SOBP: variants seen among roughly 807,000 people sequenced by gnomAD.
SOBP encodes sine oculis binding protein homolog, also known as sine oculis-binding protein homolog.
Under a neutral mutation model 53.6 loss-of-function variants are expected in SOBP, and 4 were observed. The ratio of observed to expected loss-of-function variants is 0.07; its 90% CI spans 0.04 to 0.17. The LOEUF (loss-of-function observed/expected upper bound fraction) is 0.17, where lower values mean the gene tolerates loss of function less well. SOBP is among the 10% of genes least tolerant of loss of function. The pLI, the probability that SOBP is intolerant of heterozygous loss-of-function variation, is 1.00. For missense variants in SOBP, 1,088 were observed against 1,204.7 expected (o/e 0.90, Z 1.43); for synonymous variants, 584 against 522.6 (o/e 1.12, Z -1.60).
At chr6:107,643,841 T>G (rs1771438829) in intron 6 of SOBP, among the ~76,000 whole-genome samples, 1 of 152,254 alleles carries the variant, frequency 6.6e-6, no homozygotes, top group Non-Finnish European at 1.5e-5. Context: ...TGCATTCACA[T>G]TCTTCTTGCT....
At chr6:107,638,755 C>G (rs73518962) in intron 6 of SOBP, among the ~76,000 whole-genome samples, 1 of 152,110 alleles carries the variant, frequency 6.6e-6, no homozygotes, top group East Asian at 1.9e-4. Flanking sequence ...TCTCCGTGTG[C>G]TTGTTGGTGA....
chr6:107,515,963 C>G (rs371512053), intron 3 of SOBP, among the ~76,000 whole-genome samples: 3 of 151,854 alleles, frequency 2.0e-5, no homozygotes, highest in South Asian at 2.1e-4. Context: ...AAAGTAAAAC[C>G]ATTAACAGAA....
chr6:107,619,280 T>C (rs1038127889), intron 5 of SOBP, among the ~76,000 whole-genome samples: 3 of 152,270 alleles, frequency 2.0e-5, no homozygotes, highest in African/African-American at 7.2e-5. Context: ...ATCCAAGTGA[T>C]TAAGGTAGCA....
chr6:107,575,275 G>A (rs1047222219), intron 4 of SOBP, among the ~76,000 whole-genome samples: 1 of 152,160 alleles, frequency 6.6e-6, no homozygotes, highest in Admixed American at 6.5e-5. Context: ...TTAGCACAGG[G>A]TCTGGCACAG....
Position 107,633,630 on chromosome 6 carries a change from T to G in SOBP, c.786T>G (p.Ile262Met). ...GTCTCAATCAATACAAAATGGACAT[T>G]TTCTACAAAGAGACCCAGGCCAATC... ...AKCLNQYKMD[I>M]FYKETQANLP... Residue 262 changes from isoleucine (I) to methionine (M), a missense_variant, in exon 6 of 7, where the codon ATT (isoleucine) becomes ATG (methionine). Physicochemically the swap from Ile to Met is conservative, Grantham distance 10. Transcript: ENST00000317357. The G allele has an allele frequency of 6.2e-7, 1 of 1,614,206 alleles. No homozygotes were observed. The highest frequency in any genetic ancestry group is 8.5e-7 in the Non-Finnish European group (1 of 1,180,042).
chr6:107,521,123 G>C (rs1190260796), intron 3 of SOBP, among the ~76,000 whole-genome samples: 1 of 148,436 alleles, frequency 6.7e-6, no homozygotes, highest in Non-Finnish European at 1.5e-5. Context: ...TGGGGGCCAA[G>C]TCACACCCTG....
intron 5 of SOBP, among the ~76,000 whole-genome samples, chr6:107,625,334 A>G (rs973511958): frequency 1.3e-5 from 2 of 152,212 alleles, no homozygotes; most frequent in African/African-American, 4.8e-5. Context: ...GGTTCAGGCT[A>G]TGGCCCAGGG....
intron 3 of SOBP, among the ~76,000 whole-genome samples, chr6:107,522,042 G>A (rs1315419916): frequency 1.3e-5 from 2 of 151,842 alleles, no homozygotes; most frequent in Non-Finnish European, 2.9e-5. Context: ...GTCTCCCTAG[G>A]ATGAGGTTTA....
chr6:107,596,552 G>A (rs1318338576), intron 5 of SOBP, among the ~76,000 whole-genome samples: 1 of 152,138 alleles, frequency 6.6e-6, no homozygotes, highest in Admixed American at 6.5e-5. Context: ...GCTGATAGAT[G>A]GCTTGTTCAT....
At chr6:107,539,665 A>G (rs148221682) in intron 4 of SOBP, among the ~76,000 whole-genome samples, 47 of 152,342 alleles carry the variant, frequency 3.1e-4, no homozygotes, top group African/African-American at 1.1e-3. Flanking sequence ...TTTGGAGTTC[A>G]TAGTCCGACT....
At chr6:107,533,869 A>G (rs1783916355) in intron 4 of SOBP, among the ~76,000 whole-genome samples, 1 of 152,228 alleles carries the variant, frequency 6.6e-6, no homozygotes, top group Non-Finnish European at 1.5e-5. Context: ...CACAGCTGGT[A>G]TCCTCATGGC....
intron 6 of SOBP, among the ~76,000 whole-genome samples, chr6:107,641,305 C>T (rs1802289030): frequency 6.6e-6 from 1 of 152,206 alleles, no homozygotes; most frequent in South Asian, 2.1e-4. Flanking sequence ...CAAAAGGTTA[C>T]AGACTTTTCT....
At chr6:107,633,161 G>A (rs963380593) in intron 5 of SOBP, among the ~76,000 whole-genome samples, 5 of 152,204 alleles carry the variant, frequency 3.3e-5, no homozygotes, top group African/African-American at 1.2e-4. Flanking sequence ...CTTTAGGTTT[G>A]CATTTACAAT....
Position 107,504,622 on chromosome 6 carries a change from A to G in SOBP, c.235+827A>G, listed in dbSNP as rs550948186. 2.2e-4 allele frequency among the ~76,000 whole-genome samples: 34 copies of G among 152,350 alleles called. No individual in the cohort carries two copies. In the South Asian group the frequency reaches 7.0e-3, roughly 32 times the overall value. ...AACAAATTATACATCATCACTGGCA[A>G]TTTGATCAATATTTGCGTTGCATTC... On this transcript the variant is annotated intron_variant, in intron 2 of 6. Transcript: ENST00000317357.
At chr6:107,601,306 TC>T (rs1188937192) in intron 5 of SOBP, among the ~76,000 whole-genome samples, 2 of 152,204 alleles carry the variant, frequency 1.3e-5, no homozygotes, top group Non-Finnish European at 2.9e-5. Context: ...CTTGTCCTCT[TC>T]CTGTACCCCA....
chr6:107,602,568 T>TAAAAAAAAAAA (rs71810335), intron 5 of SOBP, among the ~76,000 whole-genome samples: 1,231 of 102,476 alleles, frequency 0.012, 43 homozygotes, highest in African/African-American at 0.032. Flanking sequence ...TAAGCCGCGT[T>TAAAAAAAAAAA]AAAAAAAAAA....
At chr6:107,594,402 C>T (rs1336361934) in intron 5 of SOBP, among the ~76,000 whole-genome samples, 2 of 151,728 alleles carry the variant, frequency 1.3e-5, no homozygotes. Context: ...TACATGTGCA[C>T]ATTTGCATGA....
At chr6:107,581,982 C>T (rs1003217556) in intron 4 of SOBP, among the ~76,000 whole-genome samples, 16 of 152,124 alleles carry the variant, frequency 1.1e-4, no homozygotes, top group African/African-American at 3.4e-4. Context: ...GTGCTCTCCC[C>T]GGCCCTGATT....
chr6:107,636,603 A>C (rs1337730085), intron 6 of SOBP, among the ~76,000 whole-genome samples: 1 of 152,224 alleles, frequency 6.6e-6, no homozygotes, highest in Non-Finnish European at 1.5e-5. Flanking sequence ...TGAGTTTATC[A>C]ACTTCTTATG....
Sources: gnomAD v4.1 joint callset for allele counts (sites outside exome capture counted in the v4.1 genomes callset) on GRCh38, gnomAD v4.1.1 for gene constraint, MANE v1.5 for transcripts, NCBI Gene and HGNC (gene_info 2026-07-23, HGNC 2026-07-21) for gene names.